The following STAU2 variants were observed in gnomAD, a reference collection of about 807,000 sequenced individuals.
STAU2 encodes staufen double-stranded RNA binding protein 2.
A neutral mutation model predicts 65.9 loss-of-function variants in STAU2; 20 were observed. The observed-to-expected ratio is 0.30, with a 90% CI of 0.21 to 0.44. The LOEUF (loss-of-function observed/expected upper bound fraction) is 0.44, where lower values mean the gene tolerates loss of function less well. Among genes scored for constraint, STAU2 ranks in the 20% least tolerant of loss-of-function variants. The pLI is 1.00. For missense variants in STAU2, 558 were observed against 683.9 expected (o/e 0.82, Z 2.05); for synonymous variants, 232 against 233.9 (o/e 0.99, Z 0.07).
rs561644829 is a variant in STAU2, at chr8:73,571,979, TCAA to T, written c.1222+10788_1222+10790del. On this transcript the variant is annotated intron_variant, in intron 12 of 14. Coordinates refer to ENST00000524300, the MANE Select transcript of STAU2 (RefSeq NM_001164380.2). ...TCCAGGAAGCGGTTTTTTGAAAAGA[TCAA>T]CAAAATTGATAGACCGCTAGCAAGA... 2.6e-4 allele frequency among the ~76,000 whole-genome samples: 40 copies of T among 151,512 alleles called. 1 individual carries two copies. Among genetic ancestry groups the T allele is most frequent in the Middle Eastern group, 3.4e-3 (1 of 292 alleles).
intron 13 of STAU2, among the ~76,000 whole-genome samples, chr8:73,469,938 C>T (rs1819891733): frequency 6.6e-6 from 1 of 152,112 alleles, no homozygotes; most frequent in South Asian, 2.1e-4. Flanking sequence ...AAACAAAAGG[C>T]AGCACAAGCA....
At chr8:73,451,802 A>G (rs1818814001) in intron 13 of STAU2, among the ~76,000 whole-genome samples, 1 of 152,110 alleles carries the variant, frequency 6.6e-6, no homozygotes, top group African/African-American at 2.4e-5. Context: ...AAAATAGTAT[A>G]TTCTTCCTTC....
intron 12 of STAU2, among the ~76,000 whole-genome samples, chr8:73,553,227 T>A (rs1025760447): frequency 1.3e-5 from 2 of 152,202 alleles, no homozygotes; most frequent in African/African-American, 2.4e-5. Context: ...TCTCAAATGA[T>A]ATTATCTTTT....
intron 11 of STAU2, among the ~76,000 whole-genome samples, chr8:73,588,731 C>T (rs1364790459): frequency 1.3e-5 from 2 of 152,002 alleles, no homozygotes; most frequent in Non-Finnish European, 2.9e-5. Context: ...AGATAGAAAA[C>T]CTACTTGAGA....
At chr8:73,702,897 T>G (rs902712625) in intron 4 of STAU2, among the ~76,000 whole-genome samples, 2 of 152,090 alleles carry the variant, frequency 1.3e-5, no homozygotes, top group African/African-American at 2.4e-5. Context: ...ATATAACCTG[T>G]AGGCAAGGGG....
chr8:73,630,510 T>C (rs1484934952), intron 6 of STAU2, among the ~76,000 whole-genome samples: 1 of 152,248 alleles, frequency 6.6e-6, no homozygotes, highest in Non-Finnish European at 1.5e-5. Flanking sequence ...ACAATACAGA[T>C]ACGTGTATTT....
intron 13 of STAU2, among the ~76,000 whole-genome samples, chr8:73,537,713 G>A (rs1806274550): frequency 6.6e-6 from 1 of 152,160 alleles, no homozygotes; most frequent in Admixed American, 6.5e-5. Flanking sequence ...CTAAAATTAA[G>A]TTATTGAAAC....
intron 5 of STAU2, among the ~76,000 whole-genome samples, chr8:73,683,608 G>A (rs77774760): frequency 0.2 from 30,972 of 151,896 alleles, 3,547 homozygotes; most frequent in East Asian, 0.37. Context: ...AGTCCTAGCC[G>A]GAGCAATCGA....
chr8:73,534,530 T>C (rs1806056793), intron 13 of STAU2, among the ~76,000 whole-genome samples: 1 of 152,206 alleles, frequency 6.6e-6, no homozygotes, highest in African/African-American at 2.4e-5. Context: ...AATGAATTAA[T>C]GTATAAGTAA....
intron 13 of STAU2, among the ~76,000 whole-genome samples, chr8:73,535,421 G>A (rs1051417920): frequency 2.6e-5 from 4 of 152,066 alleles, no homozygotes; most frequent in South Asian, 2.1e-4. Flanking sequence ...CGCCCACCTC[G>A]GCCTCCCAAA....
chr8:73,451,481 C>A lies in STAU2; in HGVS notation c.1531-28779G>T, dbSNP rs941601524. Among the ~76,000 whole-genome samples the A allele has an allele frequency of 3.3e-5, 5 of 151,892 alleles. No individual in the cohort carries two copies. In the South Asian group the frequency reaches 6.2e-4, roughly 19 times the overall value. On this transcript the variant is annotated intron_variant, in intron 13 of 14. Transcript: ENST00000524300. ...AAAGACAGATGTGTACACTCGGATT[C>A]AAAAAAATATGTTAAGAGAGAGAAA...
chr8:73,632,161 C>A (rs1319209940), intron 6 of STAU2, among the ~76,000 whole-genome samples: 1 of 151,722 alleles, frequency 6.6e-6, no homozygotes, highest in African/African-American at 2.4e-5. Flanking sequence ...CGATTGAAAG[C>A]TGACATAAAG....
intron 6 of STAU2, among the ~76,000 whole-genome samples, chr8:73,633,709 G>A (rs900404347): frequency 1.3e-5 from 2 of 152,116 alleles, no homozygotes; most frequent in Non-Finnish European, 2.9e-5. Flanking sequence ...GGCCAGGCAC[G>A]GTGGCTCATG....
intron 3 of STAU2, among the ~76,000 whole-genome samples, chr8:73,730,879 T>C (rs1313141205): frequency 6.6e-6 from 1 of 152,200 alleles, no homozygotes; most frequent in African/African-American, 2.4e-5. Context: ...GTTCTATCCA[T>C]TGCTAACGTC....
chr8:73,558,610 G>A (rs1278118674), intron 12 of STAU2, among the ~76,000 whole-genome samples: 9 of 152,170 alleles, frequency 5.9e-5, no homozygotes, highest in African/African-American at 1.7e-4. Flanking sequence ...TTTCAGAGAT[G>A]CTGAAGAAGA....
intron 13 of STAU2, among the ~76,000 whole-genome samples, chr8:73,518,317 T>TA (rs1822852735): frequency 1.3e-5 from 2 of 152,220 alleles, no homozygotes; most frequent in Admixed American, 6.5e-5. Context: ...TTTAAGGCAA[T>TA]ATTTGATACA....
intron 6 of STAU2, among the ~76,000 whole-genome samples, chr8:73,654,946 A>G (rs1487888537): frequency 6.6e-6 from 1 of 152,036 alleles, no homozygotes; most frequent in Non-Finnish European, 1.5e-5. Context: ...CGGCCTCCCA[A>G]AGTGATGGGA....
intron 13 of STAU2, chr8:73,550,882 C>T (rs369130672): frequency 2.0e-6 from 2 of 986,580 alleles, no homozygotes; most frequent in East Asian, 2.3e-4. Flanking sequence ...ATGCAAAATA[C>T]CCCCCAAAAC....
At chr8:73,747,224 C>G (rs927500044), upstream of STAU2, 2 of 790,596 alleles carry the variant, frequency 2.5e-6, no homozygotes, top group African/African-American at 3.6e-5. Context: ...CGCGCCCGGT[C>G]CGCAGTCTCC....
Sources: gnomAD v4.1 joint callset for allele counts (sites outside exome capture counted in the v4.1 genomes callset) on GRCh38, gnomAD v4.1.1 for gene constraint, MANE v1.5 for transcripts, NCBI Gene and HGNC (gene_info 2026-07-23, HGNC 2026-07-21) for gene names.